Variants in HAPSTR1 observed in about 807,000 individuals in gnomAD.
HAPSTR1 encodes HUWE1-associated protein modifying stress responses 1.
chr16:9,121,187 T>C, the HAPSTR1 span: 1 of 152,186 alleles, frequency 6.6e-6, no homozygotes, highest in African/African-American at 2.4e-5. Flanking sequence ...TTCCTGACCT[T>C]AAGTGATCTG....
chr16:9,114,104 A>AT, the HAPSTR1 span, among the ~76,000 whole-genome samples: 395 of 151,778 alleles, frequency 2.6e-3, 1 homozygote, highest in East Asian at 0.016. Flanking sequence ...ATAGCTCAAG[A>AT]TTTTTTTTTG....
the HAPSTR1 span, chr16:9,120,512 T>A: frequency 1.4e-4 from 3 of 21,940 alleles, no homozygotes; most frequent in African/African-American, 6.1e-4. Flanking sequence ...TGAAGTTCAG[T>A]TAGACAGTAG....
the HAPSTR1 span, chr16:9,102,934 C>T: frequency 7.3e-5 from 114 of 1,569,062 alleles, 2 homozygotes; most frequent in Middle Eastern, 1.2e-3. Context: ...GAAGGGAATA[C>T]GGGCTCTAAT....
the HAPSTR1 span, among the ~76,000 whole-genome samples, chr16:9,093,247 G>T: frequency 6.6e-6 from 1 of 152,156 alleles, no homozygotes; most frequent in Non-Finnish European, 1.5e-5. Context: ...AGAAGGGGCT[G>T]TTGTTGGGCA....
chr16:9,116,735 C>T, the HAPSTR1 span: 1 of 1,614,150 alleles, frequency 6.2e-7, no homozygotes, highest in South Asian at 1.1e-5. Context: ...CACATGTAAG[C>T]AGTGGATCGA....
At chr16:9,095,930 A>G in the HAPSTR1 span, among the ~76,000 whole-genome samples, 1 of 152,152 alleles carries the variant, frequency 6.6e-6, no homozygotes, top group Non-Finnish European at 1.5e-5. Flanking sequence ...GTGTTTCTTC[A>G]ATATTCAGTA....
the HAPSTR1 span, chr16:9,112,327 C>G: frequency 6.6e-6 from 1 of 152,176 alleles, no homozygotes. Context: ...TTAGGGCCCC[C>G]GGTCAGGATA....
At chr16:9,113,338 T>TA in the HAPSTR1 span, among the ~76,000 whole-genome samples, 1 of 152,214 alleles carries the variant, frequency 6.6e-6, no homozygotes, top group Non-Finnish European at 1.5e-5. Flanking sequence ...ACCCAGGTCA[T>TA]ACACCCAGTA....
the HAPSTR1 span, among the ~76,000 whole-genome samples, chr16:9,095,766 G>C: frequency 2.0e-5 from 3 of 152,124 alleles, no homozygotes; most frequent in Non-Finnish European, 2.9e-5. Flanking sequence ...GTAAATGTAA[G>C]TTGAACTTCA....
At chr16:9,102,224 A>G in the HAPSTR1 span, among the ~76,000 whole-genome samples, 2 of 152,274 alleles carry the variant, frequency 1.3e-5, no homozygotes, top group Non-Finnish European at 2.9e-5. Context: ...GGTTAATGCC[A>G]TTAAAGACAT....
chr16:9,107,139 C>T, the HAPSTR1 span: 1 of 152,222 alleles, frequency 6.6e-6, no homozygotes, highest in Non-Finnish European at 1.5e-5. Context: ...CGGTGTACAT[C>T]TCCAAATTGT....
At chr16:9,118,561 AAGTG>A in the HAPSTR1 span, 3 of 152,642 alleles carry the variant, frequency 2.0e-5, no homozygotes, top group Non-Finnish European at 4.4e-5. Context: ...CTAGGAATGA[AAGTG>A]AGAGATTTCT....
At chr16:9,092,773 C>T in the HAPSTR1 span, 1 of 852,288 alleles carries the variant, frequency 1.2e-6, no homozygotes, top group Non-Finnish European at 1.8e-6. Context: ...GGTTTGGGAT[C>T]CCGAAACCCC....
chr16:9,110,246 T>C, the HAPSTR1 span: 1 of 149,080 alleles, frequency 6.7e-6, no homozygotes, highest in African/African-American at 2.5e-5. Context: ...TACTTGACAA[T>C]ATTCTTGGAT....
the HAPSTR1 span, chr16:9,118,011 C>G: frequency 3.3e-5 from 5 of 152,588 alleles, no homozygotes; most frequent in African/African-American, 1.2e-4. Flanking sequence ...AAGATGGAAT[C>G]GCATGGAGAT....
chr16:9,115,090 C>G, the HAPSTR1 span, among the ~76,000 whole-genome samples: 2 of 152,034 alleles, frequency 1.3e-5, no homozygotes, highest in African/African-American at 2.4e-5. Flanking sequence ...AGTTGAGCAC[C>G]TCAGAAGGGA....
chr16:9,119,188 C>T, the HAPSTR1 span: 2 of 152,386 alleles, frequency 1.3e-5, no homozygotes, highest in South Asian at 2.1e-4. Flanking sequence ...TTCCCCGACG[C>T]ACAGAATAAA....
chr16:9,113,747 C>G, the HAPSTR1 span, among the ~76,000 whole-genome samples: 1 of 152,148 alleles, frequency 6.6e-6, no homozygotes, highest in African/African-American at 2.4e-5. Flanking sequence ...TAATATGTTA[C>G]AGGCTGAGAC....
the HAPSTR1 span, chr16:9,111,103 A>G: frequency 1.3e-5 from 2 of 152,252 alleles, no homozygotes; most frequent in African/African-American, 4.8e-5. Flanking sequence ...TCTGTTGCAG[A>G]GAATTAATTA....
Sources: allele counts gnomAD v4.1 joint callset (sites outside exome capture counted in the v4.1 genomes callset), GRCh38; gene constraint gnomAD v4.1.1; transcripts MANE v1.5; gene names NCBI Gene and HGNC (gene_info 2026-07-23, HGNC 2026-07-21).